MEGF8: variants seen among roughly 807,000 people sequenced by gnomAD.
The protein encoded by MEGF8 is multiple epidermal growth factor-like domains protein 8.
MEGF8 carries 156 observed loss-of-function variants against 302.9 expected under a neutral mutation model. That is an observed-to-expected ratio of 0.52 (90% CI 0.45 to 0.59). The LOEUF (loss-of-function observed/expected upper bound fraction) is 0.59, where lower values mean the gene tolerates loss of function less well. MEGF8 is among the 20% of genes least tolerant of loss of function. The probability of loss-of-function intolerance (pLI) is 0.00; values close to 1 mark genes in which losing one functional copy is unlikely to be tolerated. For missense variants in MEGF8, 3,345 were observed against 3,964.5 expected (o/e 0.84, Z 4.20); for synonymous variants, 1,621 against 1,660.5 (o/e 0.98, Z 0.58).
intron 23 of MEGF8, among the ~76,000 whole-genome samples, 199 bp from the exon 24 acceptor site, chr19:42,355,559 G>A (rs1019987369): frequency 1.3e-5 from 2 of 152,096 alleles, no homozygotes; most frequent in Non-Finnish European, 2.9e-5. Flanking sequence ...GCTAGCAGTC[G>A]GTGAGAGATT....
chr19:42,360,941 T>A lies in MEGF8; in HGVS notation c.5655T>A (p.Ala1885=), dbSNP rs779091598. ...DPCRLLSSPE[A]CNQSGACTWC... ...GCCGCCTGCTGTCCTCACCTGAAGC[T>A]TGTAACCAGTCTGGGGCCTGCACCT... The change falls in exon 32 of 42, where the codon GCT becomes GCA. Residue 1885 remains alanine, a synonymous_variant. Transcript: ENST00000251268. The A allele has an allele frequency of 6.2e-7, 1 of 1,605,486 alleles. No homozygotes were observed. The highest frequency in any genetic ancestry group is 8.5e-7 in the Non-Finnish European group (1 of 1,174,272).
chr19:42,357,563 C>T lies in MEGF8; in HGVS notation c.4990C>T (p.Gln1664Ter). 6.2e-7 allele frequency: 1 copy of T among 1,608,802 alleles called. No individual in the cohort carries two copies. Among genetic ancestry groups the T allele is most frequent in the Non-Finnish European group, 8.5e-7 (1 of 1,177,862 alleles). Reference sequence around the variant, plus strand: ...AACCGGCACCTGGGTGTCAGGAGCCCAGAGTGGGACACCCCCCACAGGTGG... The same window carrying T: ...AACCGGCACCTGGGTGTCAGGAGCCTAGAGTGGGACACCCCCCACAGGTGG... ...LATGTWVSGAQSGTPPTGLYG... is the reference protein window; with the variant it reads ...LATGTWVSGA The change falls in exon 28 of 42, where the codon CAG becomes TAG. Residue 1664 changes from glutamine (Q) to a stop codon, truncating the protein, a stop_gained. Coordinates refer to ENST00000251268, the MANE Select transcript of MEGF8 (RefSeq NM_001271938.2). LOFTEE classifies it high-confidence loss of function. This position sits in a 1 kb window ranked among gnomAD's most constrained non-coding sequence, Gnocchi z 5.2.
chr19:42,364,468 C>T (rs1164493888), intron 35 of MEGF8, among the ~76,000 whole-genome samples: 1 of 152,186 alleles, frequency 6.6e-6, no homozygotes, highest in Non-Finnish European at 1.5e-5. Flanking sequence ...AGTCCAGCCA[C>T]CACCCAGACA....
chr19:42,357,037 C>T lies in MEGF8; in HGVS notation c.4830+56C>T. 2 of 1,478,406 alleles carry T rather than the reference C, an allele frequency of 1.4e-6. No individual in the cohort carries two copies. Among genetic ancestry groups the T allele is most frequent in the Non-Finnish European group, 1.8e-6 (2 of 1,099,242 alleles). The allele number at this position is 1,478,406 out of a possible 1,614,324, so 91.6% of individuals were successfully genotyped here. On this transcript the variant is annotated intron_variant, in intron 27 of 41. Transcript: ENST00000251268. The surrounding 1 kb of genome is among the most constrained non-coding windows in gnomAD (Gnocchi z 5.2). The stretch of plus-strand genomic sequence containing the variant: ...CCCTCACACTGGGCCCTGACAGAGA[C>T]AGCTGTGGTAGCTCCTGCCAGCTCC...
intron 1 of MEGF8, among the ~76,000 whole-genome samples, chr19:42,330,773 A>G (rs1376974291): frequency 1.3e-5 from 2 of 152,154 alleles, no homozygotes; most frequent in African/African-American, 4.8e-5. Context: ...GAAGGTTATA[A>G]TGGGATGTGA....
chr19:42,355,947 G>A lies in MEGF8; in HGVS notation c.4334G>A (p.Arg1445His), dbSNP rs138904325. The change falls in exon 24 of 42, where the codon CGC (arginine) becomes CAC (histidine). Residue 1445 changes from arginine to histidine, a missense_variant. Coordinates refer to ENST00000251268, the MANE Select transcript of MEGF8 (RefSeq NM_001271938.2). ...CAGGGCTGGGCTGGCCCACACTGCCGCATGGCTCTGTGTCCTGAGAACTGC... is the reference window on the plus strand; with the variant it reads ...CAGGGCTGGGCTGGCCCACACTGCCACATGGCTCTGTGTCCTGAGAACTGC... Reference protein sequence around the residue: ...CPQGWAGPHCRMALCPENCNA... With the variant: ...CPQGWAGPHCHMALCPENCNA... 13 of 1,610,418 alleles carry A rather than the reference G, an allele frequency of 8.1e-6. No individual in the cohort carries two copies. Among genetic ancestry groups the A allele is most frequent in the African/African-American group, 5.3e-5 (4 of 74,892 alleles).
Position 42,369,595 on chromosome 19 carries a change from G to A in MEGF8, c.6706G>A (p.Asp2236Asn), listed in dbSNP as rs747093369. Residue 2236 changes from aspartate to asparagine, a missense_variant, in exon 38 of 42, where the codon GAC becomes AAC. Coordinates refer to ENST00000251268, the MANE Select transcript of MEGF8 (RefSeq NM_001271938.2). The surrounding 1 kb of genome is among the most constrained non-coding windows in gnomAD (Gnocchi z 5.7). ...GCVNGSCVEP[D>N]HCRCHFGFVG... ...CGTGAACGGCTCATGTGTGGAGCCC[G>A]ACCACTGCCGCTGCCACTTTGGCTT... 4.3e-6 allele frequency: 7 copies of A among 1,612,394 alleles called. No homozygotes were observed. The highest frequency in any genetic ancestry group is 2.2e-5 in the South Asian group (2 of 91,050).
rs1242665700 is a variant in MEGF8, at chr19:42,336,304, G to A, written c.1202G>A (p.Arg401His). The change falls in exon 6 of 42, where the codon CGT becomes CAT. Residue 401 changes from arginine (R) to histidine (H), a missense_variant. Transcript: ENST00000251268. This position sits in a 1 kb window ranked among gnomAD's most constrained non-coding sequence, Gnocchi z 4.8. The stretch of plus-strand genomic sequence containing the variant: ...TCCATGGTGTTCCATGCCCCCTCCC[G>A]TGCCCTGCTGGTCCATGGTGGACAC... Reference protein sequence around the residue: ...GHSMVFHAPSRALLVHGGHRP... With the variant: ...GHSMVFHAPSHALLVHGGHRP... 4 of 1,606,596 alleles carry A rather than the reference G, an allele frequency of 2.5e-6. No homozygotes were observed. The highest frequency in any genetic ancestry group is 1.6e-4 in the Middle Eastern group (1 of 6,072).
rs766677631 is a variant in MEGF8, at chr19:42,333,753, A to C, written c.336A>C (p.Glu112Asp). The change falls in exon 2 of 42, where the codon GAA becomes GAC. Residue 112 changes from glutamate (E) to aspartate (D), a missense_variant. Transcript: ENST00000251268. ...GGAGCACCCGACCTCCGCCCATCGA[A>C]GCTTCCTCAGGCAAGGTTAGTGGGG... is the stretch of plus-strand genomic sequence containing the variant. ...LSGSTRPPPI[E>D]ASSGKMLLHL... The C allele has an allele frequency of 1.2e-6, 2 of 1,613,766 alleles. No individual in the cohort carries two copies. The highest frequency in any genetic ancestry group is 2.2e-5 in the South Asian group (2 of 91,084).
At position 42,376,745 on chromosome 19, in the gene MEGF8, C is replaced by T. The variant is rs374681560; in HGVS notation, c.8508C>T (p.Ser2836=). 6.8e-7 allele frequency: 1 copy of T among 1,463,062 alleles called. No homozygotes were observed. Among genetic ancestry groups the T allele is most frequent in the East Asian group, 2.5e-5 (1 of 40,350 alleles). The allele number at this position is 1,463,062 out of a possible 1,614,324, so 90.6% of individuals were successfully genotyped here. A position where few individuals can be genotyped will look rare whatever the true frequency, so the allele number is the denominator to read the frequency against. Residue 2836 remains serine, a synonymous_variant, in exon 42 of 42, where the codon AGC becomes AGT. Transcript: ENST00000251268. The surrounding 1 kb of genome is among the most constrained non-coding windows in gnomAD (Gnocchi z 8.2). The stretch of plus-strand genomic sequence containing the variant: ...GTGCGGGCCGGAAGGGACTGTTGAG[C>T]CAGGACAACCTCACCAGCATGTCCC... ...GTGAGRKGLL[S]QDNLTSMSL is the part of the protein sequence containing the mutation.
rs1289693306 is a variant in MEGF8, at chr19:42,356,762, C to A, written c.4623-12C>A. On this transcript the variant is annotated splice_polypyrimidine_tract_variant and intron_variant, in intron 26 of 41. Transcript: ENST00000251268. This position sits in a 1 kb window ranked among gnomAD's most constrained non-coding sequence, Gnocchi z 5.2. ...ACTGTAATGAGGCTGCTTTTTTGCA[C>A]CCTGGCCCCAGGTACTCAGTGAGTG... is the stretch of plus-strand genomic sequence containing the variant. 3 of 1,537,980 alleles carry A rather than the reference C, an allele frequency of 2.0e-6. No individual in the cohort carries two copies. Among genetic ancestry groups the A allele is most frequent in the African/African-American group, 1.4e-5 (1 of 72,706 alleles).
chr19:42,357,645 G>T lies in MEGF8; in HGVS notation c.5011+61G>T. ...GACCTCCCGGGCATCTGGGCTTCCT[G>T]TGGGCTCTCCATCCACTGCTGTGCT... is the stretch of plus-strand genomic sequence containing the variant. On this transcript the variant is annotated intron_variant, in intron 28 of 41. Coordinates refer to ENST00000251268, the MANE Select transcript of MEGF8 (RefSeq NM_001271938.2). The surrounding 1 kb of genome is among the most constrained non-coding windows in gnomAD (Gnocchi z 5.2). 6.8e-7 allele frequency: 1 copy of T among 1,468,326 alleles called. No homozygotes were observed. Among genetic ancestry groups the T allele is most frequent in the East Asian group, 2.5e-5 (1 of 40,460 alleles). The allele number at this position is 1,468,326 out of a possible 1,614,324, so 91.0% of individuals were successfully genotyped here. A position where few individuals can be genotyped will look rare whatever the true frequency, so the allele number is the denominator to read the frequency against.
intron 41 of MEGF8, among the ~76,000 whole-genome samples, chr19:42,372,354 T>C (rs573954549): frequency 4.9e-4 from 74 of 152,298 alleles, no homozygotes; most frequent in African/African-American, 1.6e-3. Flanking sequence ...TTTCCCTTTT[T>C]CTTCTGCACA....
intron 31 of MEGF8, 64 bp from the exon 32 acceptor site, chr19:42,360,711 T>C (rs2039519012): frequency 6.5e-6 from 10 of 1,543,076 alleles, no homozygotes; most frequent in Non-Finnish European, 7.9e-6. Flanking sequence ...ACTGGCATCA[T>C]GGTGTGGGTC....
Position 42,362,321 on chromosome 19 carries a change from C to T in MEGF8, c.5845-63C>T, listed in dbSNP as rs758502414. The stretch of plus-strand genomic sequence containing the variant: ...CCCACCCCAGGGTCTCAGGAACCAC[C>T]GAGTTCTCAGCTGGCTCAGGAGGGG... On this transcript the variant is annotated intron_variant, in intron 33 of 41. Coordinates refer to ENST00000251268, the MANE Select transcript of MEGF8 (RefSeq NM_001271938.2). 4.5e-5 allele frequency: 73 copies of T among 1,610,790 alleles called. No homozygotes were observed. In the Middle Eastern group the frequency reaches 2.0e-3, roughly 44 times the overall value.
chr19:42,359,454 T>C (rs2039501123), intron 31 of MEGF8, among the ~76,000 whole-genome samples: 1 of 151,650 alleles, frequency 6.6e-6, no homozygotes, highest in Non-Finnish European at 1.5e-5. Flanking sequence ...AAAGTAACAA[T>C]GTTCACTATA....
At chr19:42,337,817 T>C (rs1161411721) in intron 8 of MEGF8, among the ~76,000 whole-genome samples, 6 of 150,276 alleles carry the variant, frequency 4.0e-5, no homozygotes, top group African/African-American at 7.4e-5. Flanking sequence ...CTTTTCTTTT[T>C]TTTTGAGAGG....
chr19:42,345,753 C>T (rs1477019311), intron 12 of MEGF8, among the ~76,000 whole-genome samples: 1 of 152,170 alleles, frequency 6.6e-6, no homozygotes. Flanking sequence ...CTGGTATGAG[C>T]ACTTGTGTAC....
chr19:42,368,483 G>T lies in MEGF8; in HGVS notation c.6302G>T (p.Arg2101Leu). Residue 2101 changes from arginine (R) to leucine (L), a missense_variant, in exon 36 of 42, where the codon CGA becomes CTA. By Grantham distance (102) the Arg-to-Leu change is moderately radical (BLOSUM62 -2). Transcript: ENST00000251268. This position sits in a 1 kb window ranked among gnomAD's most constrained non-coding sequence, Gnocchi z 4.9. ...CTGAGCCCTTCCTACCTGCCCCTGC[G>T]ATGTATGGCCGGAGGCTGTGGGCGG... ...QCLSPSYLPLRCMAGGCGRLL... is the reference protein window; with the variant it reads ...QCLSPSYLPLLCMAGGCGRLL... The T allele has an allele frequency of 6.2e-7, 1 of 1,609,798 alleles. No homozygotes were observed. Among genetic ancestry groups the T allele is most frequent in the Non-Finnish European group, 8.5e-7 (1 of 1,178,726 alleles).
Sources: gnomAD v4.1 joint callset for allele counts (sites outside exome capture counted in the v4.1 genomes callset) on GRCh38, gnomAD v4.1.1 for gene constraint, Gnocchi (gnomAD v3.1) non-coding constraint, MANE v1.5 for transcripts, NCBI Gene and HGNC (gene_info 2026-07-23, HGNC 2026-07-21) for gene names.